The following GNG12 variants were observed in gnomAD, a reference collection of about 807,000 sequenced individuals.
GNG12 encodes the protein G protein subunit gamma 12.
For synonymous variants in GNG12, 28 were observed against 29.7 expected, an observed-to-expected ratio of 0.94 and a Z score of 0.19; for missense variants, 69 against 83.8, an observed-to-expected ratio of 0.82 and a Z score of 0.69.
intron 2 of GNG12, among the ~76,000 whole-genome samples, chr1:67,753,753 G>T (rs1211392904): frequency 6.6e-6 from 1 of 152,164 alleles, no homozygotes; most frequent in Admixed American, 6.5e-5. Context: ...ATCTTTGAAG[G>T]GGTCTGTAGT....
chr1:67,734,202 G>C (rs1277433961), intron 2 of GNG12, among the ~76,000 whole-genome samples: 1 of 151,726 alleles, frequency 6.6e-6, no homozygotes, highest in African/African-American at 2.4e-5. Context: ...CCTGAGCCCA[G>C]GTCTGGGCTG....
intron 2 of GNG12, among the ~76,000 whole-genome samples, chr1:67,768,998 G>A (rs1405032058): frequency 2.0e-5 from 3 of 152,176 alleles, no homozygotes; most frequent in Admixed American, 6.5e-5. Context: ...GAGGAAAGGA[G>A]GGAGCTGTAT....
intron 2 of GNG12, among the ~76,000 whole-genome samples, chr1:67,745,737 T>C (rs1406870072): frequency 6.6e-6 from 1 of 152,146 alleles, no homozygotes; most frequent in Non-Finnish European, 1.5e-5. Flanking sequence ...TCCAAGTCAG[T>C]GTAAAAATCT....
chr1:67,739,798 T>C (rs1220118826), intron 2 of GNG12, among the ~76,000 whole-genome samples: 1 of 152,208 alleles, frequency 6.6e-6, no homozygotes, highest in South Asian at 2.1e-4. Flanking sequence ...AATGACCTGC[T>C]TAATTTAAAC....
intron 2 of GNG12, among the ~76,000 whole-genome samples, chr1:67,720,561 A>T (rs1005808282): frequency 6.6e-6 from 1 of 152,262 alleles, no homozygotes; most frequent in Non-Finnish European, 1.5e-5. Flanking sequence ...ATTATTTAAT[A>T]TTGAAAACAA....
At chr1:67,828,876 A>C (rs1647026496) in intron 1 of GNG12, among the ~76,000 whole-genome samples, 1 of 152,234 alleles carries the variant, frequency 6.6e-6, no homozygotes. Flanking sequence ...CTCACTGCAA[A>C]GGTTTTGACA....
intron 2 of GNG12, among the ~76,000 whole-genome samples, chr1:67,735,208 T>C (rs1646446346): frequency 6.6e-6 from 1 of 152,220 alleles, no homozygotes; most frequent in African/African-American, 2.4e-5. Flanking sequence ...CCATGCCATG[T>C]ATTTTGGAAA....
intron 1 of GNG12, among the ~76,000 whole-genome samples, chr1:67,799,971 G>A (rs1426231440): frequency 2.0e-5 from 3 of 152,148 alleles, no homozygotes; most frequent in Admixed American, 6.5e-5. Flanking sequence ...GCCTCACACA[G>A]ATACAGATGA....
intron 1 of GNG12, among the ~76,000 whole-genome samples, chr1:67,808,111 A>G (rs938005711): frequency 4.6e-5 from 7 of 152,118 alleles, no homozygotes; most frequent in African/African-American, 2.4e-5. Context: ...CACTGCTACC[A>G]AAGCGGATTT....
chr1:67,792,018 A>C (rs550929790), intron 1 of GNG12, among the ~76,000 whole-genome samples: 10 of 152,148 alleles, frequency 6.6e-5, no homozygotes, highest in Non-Finnish European at 1.3e-4. Context: ...TCTCACAGAC[A>C]CTGCAGGCCT....
At position 67,810,369 on chromosome 1, in the gene GNG12, T is replaced by C. The variant is rs138724469; in HGVS notation, c.-77+22975A>G. On this transcript the variant is annotated intron_variant, in intron 1 of 3. Coordinates refer to ENST00000370982, the MANE Select transcript of GNG12 (RefSeq NM_018841.6). The stretch of plus-strand genomic sequence containing the variant: ...TGTATTAGTCAAAATCCATAGAATG[T>C]AGAACACCAAGAGTGAATCCTAATG... Among the ~76,000 whole-genome samples the C allele has an allele frequency of 1.8e-3, 277 of 152,262 alleles. 1 individual carries two copies. Among genetic ancestry groups the C allele is most frequent in the South Asian group, 0.017 (82 of 4,822 alleles).
At chr1:67,706,788 T>C (rs1646251413) in intron 3 of GNG12, among the ~76,000 whole-genome samples, 1 of 152,002 alleles carries the variant, frequency 6.6e-6, no homozygotes, top group Non-Finnish European at 1.5e-5. Context: ...TCCGAGTAGC[T>C]GGGATTATAG....
intron 2 of GNG12, among the ~76,000 whole-genome samples, chr1:67,746,300 G>A (rs1365274654): frequency 6.6e-6 from 1 of 152,180 alleles, no homozygotes; most frequent in Non-Finnish European, 1.5e-5. Flanking sequence ...TAGTTAAGTT[G>A]ATTCCTGCAA....
intron 2 of GNG12, among the ~76,000 whole-genome samples, chr1:67,709,638 C>T (rs908717160): frequency 4.0e-5 from 6 of 150,806 alleles, no homozygotes; most frequent in Non-Finnish European, 8.8e-5. Flanking sequence ...CCCTGCCCCA[C>T]CCAAAAGAGA....
At chr1:67,793,349 T>C (rs1259916101) in intron 1 of GNG12, among the ~76,000 whole-genome samples, 1 of 152,196 alleles carries the variant, frequency 6.6e-6, no homozygotes, top group African/African-American at 2.4e-5. Flanking sequence ...ATGCAATAAA[T>C]CATCTGCAAG....
At chr1:67,768,968 C>CT (rs548636917) in intron 2 of GNG12, among the ~76,000 whole-genome samples, 105 of 152,256 alleles carry the variant, frequency 6.9e-4, no homozygotes, top group African/African-American at 2.4e-3. Flanking sequence ...CTAATATCAC[C>CT]TCATATGATG....
chr1:67,760,348 C>T (rs1646594951), intron 2 of GNG12, among the ~76,000 whole-genome samples: 2 of 152,156 alleles, frequency 1.3e-5, no homozygotes, highest in Admixed American at 6.5e-5. Context: ...TAAGCTCACT[C>T]CCATCATTTG....
intron 2 of GNG12, among the ~76,000 whole-genome samples, chr1:67,737,183 T>G (rs1356903287): frequency 2.0e-5 from 3 of 152,264 alleles, no homozygotes; most frequent in Non-Finnish European, 4.4e-5. Flanking sequence ...AAAATCATAC[T>G]TTCATCAACC....
chr1:67,780,883 G>C (rs569476947), intron 1 of GNG12, among the ~76,000 whole-genome samples: 2 of 152,208 alleles, frequency 1.3e-5, no homozygotes, highest in Non-Finnish European at 2.9e-5. Flanking sequence ...TGTCTTGGCT[G>C]GCCATTATCA....
Sources: allele counts gnomAD v4.1 joint callset (sites outside exome capture counted in the v4.1 genomes callset), GRCh38; gene constraint gnomAD v4.1.1; transcripts MANE v1.5; gene names NCBI Gene and HGNC (gene_info 2026-07-23, HGNC 2026-07-21).